Variants in ATAD3C observed in about 807,000 individuals in gnomAD.
ATAD3C encodes the protein ATPase family AAA domain containing 3C, also known as ATPase family AAA domain-containing protein 3C.
ATAD3C carries 38 observed loss-of-function variants against 46.3 expected under a neutral mutation model. The ratio of observed to expected loss-of-function variants is 0.82; its 90% CI spans 0.63 to 1.08. The LOEUF (loss-of-function observed/expected upper bound fraction) is 1.08. Among genes scored for constraint, ATAD3C ranks in the 50% least tolerant of loss-of-function variants. ATAD3C has a pLI of 0.00. For synonymous variants in ATAD3C, 220 were observed against 236.4 expected, an observed-to-expected ratio of 0.93 and a Z score of 0.63; for missense variants, 563 against 572.7, an observed-to-expected ratio of 0.98 and a Z score of 0.17.
rs904453011 is a variant in ATAD3C, at chr1:1,469,285, T to C, written c.*755T>C. 2 of 83,064 alleles carry C rather than the reference T, an allele frequency of 2.4e-5. No individual in the cohort carries two copies. Among genetic ancestry groups the C allele is most frequent in the Non-Finnish European group, 5.0e-5 (2 of 40,132 alleles). 5.1% of individuals were successfully genotyped at this position (83,064 alleles called of 1,614,324 possible). A position where few individuals can be genotyped will look rare whatever the true frequency, so the allele number is the denominator to read the frequency against. ...TGGGCAACAAGAGTCAAACTCCCTCTAAAAAAAAAAAAAAAAAAAGGGCCA... is the reference window on the plus strand; with the variant it reads ...TGGGCAACAAGAGTCAAACTCCCTCCAAAAAAAAAAAAAAAAAAAGGGCCA... On this transcript the variant is annotated 3_prime_UTR_variant, in exon 12 of 12. Transcript: ENST00000378785.
Position 1,452,415 on chromosome 1 carries a change from G to C in ATAD3C, c.203G>C (p.Arg68Pro), listed in dbSNP as rs535108799. ...GEGFRAFVTD[R>P]DKVTATVAGL... ...GGATTCCGTGCCTTTGTGACAGACC[G>C]GGACAAAGTGACAGCCACGGTAAAC... is the stretch of plus-strand genomic sequence containing the variant. The change falls in exon 3 of 12, where the codon CGG becomes CCG. Residue 68 changes from arginine (R) to proline (P), a missense_variant. Coordinates refer to ENST00000378785, the MANE Select transcript of ATAD3C (RefSeq NM_001039211.3). 4.3e-6 allele frequency: 7 copies of C among 1,613,672 alleles called. No homozygotes were observed. The East Asian group carries it at 1.6e-4, about 36-fold the overall frequency.
chr1:1,461,496 G>A (rs77940961), intron 10 of ATAD3C, among the ~76,000 whole-genome samples: 15,054 of 150,388 alleles, frequency 0.1, 1,916 homozygotes, highest in East Asian at 0.47. Flanking sequence ...CCTCTTTTAC[G>A]TTCCTCTTCA....
rs1638873472 is a variant in ATAD3C at position 1,452,256 on chromosome 1, T to A, written c.153-109T>A. ...CTCCTTGGTGGGGACACTGCCCCCCTGTCCTGGCAGGACCAGGCTGCTGTG... is the reference window on the plus strand; with the variant it reads ...CTCCTTGGTGGGGACACTGCCCCCCAGTCCTGGCAGGACCAGGCTGCTGTG... On this transcript the variant is annotated intron_variant, in intron 2 of 11. Coordinates refer to ENST00000378785, the MANE Select transcript of ATAD3C (RefSeq NM_001039211.3). 7 of 1,588,350 alleles carry A rather than the reference T, an allele frequency of 4.4e-6. No homozygotes were observed. In the East Asian group the frequency reaches 1.6e-4, roughly 36 times the overall value.
rs767801504 is a variant in ATAD3C at position 1,459,279 on chromosome 1, C to T, written c.812+48C>T. On this transcript the variant is annotated intron_variant, in intron 9 of 11. Transcript: ENST00000378785. The surrounding 1 kb of genome is among the most constrained non-coding windows in gnomAD (Gnocchi z 4.9). Reference sequence around the variant, plus strand: ...GGGCCCCCGGGCAGGGCTGTGCAGCCGTCACCCTTGGTTCCCACCGAGGGA... The same window carrying T: ...GGGCCCCCGGGCAGGGCTGTGCAGCTGTCACCCTTGGTTCCCACCGAGGGA... 65 of 1,604,034 alleles carry T rather than the reference C, an allele frequency of 4.1e-5. No homozygotes were observed. The highest frequency in any genetic ancestry group is 5.0e-5 in the Non-Finnish European group (59 of 1,179,628).
At position 1,452,193 on chromosome 1, in the gene ATAD3C, G is replaced by A. The variant is rs1007033916; in HGVS notation, c.152+71G>A. ...AGGTGTGAGTCGCTGGTCCCAGGGT[G>A]CTCTCCAGCTCTCCCAGGTCTGGCC... On this transcript the variant is annotated intron_variant, in intron 2 of 11. Coordinates refer to ENST00000378785, the MANE Select transcript of ATAD3C (RefSeq NM_001039211.3). 183 of 1,588,392 alleles carry A rather than the reference G, an allele frequency of 1.2e-4. 1 individual carries two copies. The highest frequency in any genetic ancestry group is 1.5e-4 in the Non-Finnish European group (173 of 1,164,052).
In ATAD3C at chr1:1,460,780, C is replaced by T. The variant is rs748781199; in HGVS notation, c.843C>T (p.Pro281=). 101 of 1,611,004 alleles carry T rather than the reference C, an allele frequency of 6.3e-5. No homozygotes were observed. In the Middle Eastern group the frequency reaches 1.8e-3, roughly 29 times the overall value. The part of the protein sequence containing the change: ...KFMLILASCH[P]EQFDWAINAC... ...TGCTGATCCTGGCCAGCTGCCACCC[C>T]GAGCAGTTCGACTGGGCCATCAATG... Residue 281 remains proline (P), a synonymous_variant, in exon 10 of 12, where the codon CCC becomes CCT. Coordinates refer to ENST00000378785, the MANE Select transcript of ATAD3C (RefSeq NM_001039211.3).
rs70949592 is a variant in ATAD3C, at chr1:1,469,099, T to TAAAAAAAAAAAAAAAAAAA, written c.*588_*606dup. 3 of 18,872 alleles carry TAAAAAAAAAAAAAAAAAAA rather than the reference T, an allele frequency of 1.6e-4. No individual in the cohort carries two copies. The highest frequency in any genetic ancestry group is 3.8e-4 in the African/African-American group (3 of 7,864). 1.2% of individuals were successfully genotyped at this position (18,872 alleles called of 1,614,324 possible). On this transcript the variant is annotated 3_prime_UTR_variant, in exon 12 of 12. Coordinates refer to ENST00000378785, the MANE Select transcript of ATAD3C (RefSeq NM_001039211.3). Reference sequence around the variant, plus strand: ...CAACATGGTGAAACTCCATCTCTCCTAAAAAAAAAAAAAAAAAAAAAAAAA... The same window carrying TAAAAAAAAAAAAAAAAAAA: ...CAACATGGTGAAACTCCATCTCTCCTAAAAAAAAAAAAAAAAAAAAAAAAAAAAAAAAAAAAAAAAAAAA...
intron 11 of ATAD3C, among the ~76,000 whole-genome samples, chr1:1,468,147 A>C (rs1292889987): frequency 6.6e-6 from 1 of 152,090 alleles, no homozygotes; most frequent in Non-Finnish European, 1.5e-5. Flanking sequence ...GCTTTCTATT[A>C]GAAAGTCATT....
chr1:1,454,270 C>T, intron 3 of ATAD3C, 75 bp from the exon 4 acceptor site: 1 of 1,513,086 alleles, frequency 6.6e-7, no homozygotes, highest in Non-Finnish European at 8.9e-7. Context: ...AGGGTGGGGG[C>T]AGCCCCGTGC....
intron 3 of ATAD3C, among the ~76,000 whole-genome samples, chr1:1,453,539 G>T (rs548985501): frequency 2.6e-4 from 40 of 152,078 alleles, no homozygotes; most frequent in Admixed American, 5.2e-4. Context: ...GTTTTACCAT[G>T]TTGGCCAGGC....
At position 1,459,951 on chromosome 1, in the gene ATAD3C, C is replaced by T. The variant is rs1013198497; in HGVS notation, c.812+720C>T. ...GTTGGGCTCCTGGGTCAGCTGCTGCCGGTAGACGCTCCCTGGAGCCCTGAC... is the reference window on the plus strand; with the variant it reads ...GTTGGGCTCCTGGGTCAGCTGCTGCTGGTAGACGCTCCCTGGAGCCCTGAC... On this transcript the variant is annotated intron_variant, in intron 9 of 11. Coordinates refer to ENST00000378785, the MANE Select transcript of ATAD3C (RefSeq NM_001039211.3). The surrounding 1 kb of genome is among the most constrained non-coding windows in gnomAD (Gnocchi z 4.9). Among the ~76,000 whole-genome samples, 4 of 152,046 alleles carry T rather than the reference C, an allele frequency of 2.6e-5. No individual in the cohort carries two copies. Among genetic ancestry groups the T allele is most frequent in the Admixed American group, 6.6e-5 (1 of 15,234 alleles).
intron 3 of ATAD3C, among the ~76,000 whole-genome samples, chr1:1,453,493 T>C (rs1047747912): frequency 6.6e-6 from 1 of 151,954 alleles, no homozygotes; most frequent in Non-Finnish European, 1.5e-5. Flanking sequence ...TGTACCACCA[T>C]GCCCGGCCAA....
rs1256097958 is a variant in ATAD3C, at chr1:1,459,759, C to T, written c.812+528C>T. The stretch of plus-strand genomic sequence containing the variant: ...ACTTTGTGTGGCCTCTGTGGGCTGC[C>T]GCCCAGATGTCCCCCATAGGGTGAC... On this transcript the variant is annotated intron_variant, in intron 9 of 11. Transcript: ENST00000378785. The surrounding 1 kb of genome is among the most constrained non-coding windows in gnomAD (Gnocchi z 4.9). 1.3e-5 allele frequency among the ~76,000 whole-genome samples: 2 copies of T among 152,136 alleles called. No homozygotes were observed. Among genetic ancestry groups the T allele is most frequent in the Admixed American group, 6.6e-5 (1 of 15,266 alleles).
Position 1,463,341 on chromosome 1 carries a change from T to C in ATAD3C, c.1089+633T>C, listed in dbSNP as rs144907467. Among the ~76,000 whole-genome samples, 451 of 152,214 alleles carry C rather than the reference T, an allele frequency of 3.0e-3. 4 individuals are homozygous for C. The highest frequency in any genetic ancestry group is 0.01 in the African/African-American group (425 of 41,544). ...TGTGGGGCAGAAGGCACCCTGGCCA[T>C]GCACAGGCATCGCTGCCTCTGGGGT... On this transcript the variant is annotated intron_variant, in intron 11 of 11. Transcript: ENST00000378785.
At chr1:1,453,057 T>C (rs1041370795) in intron 3 of ATAD3C, among the ~76,000 whole-genome samples, 12 of 152,034 alleles carry the variant, frequency 7.9e-5, no homozygotes, top group African/African-American at 2.9e-4. Context: ...GCACTTGCTC[T>C]GCCGTGGTGC....
In ATAD3C at chr1:1,460,854, G is replaced by C; in HGVS notation, c.917G>C (p.Arg306Pro). The C allele has an allele frequency of 6.2e-7, 1 of 1,613,076 alleles. No individual in the cohort carries two copies. The highest frequency in any genetic ancestry group is 8.5e-7 in the Non-Finnish European group (1 of 1,179,434). Residue 306 changes from arginine to proline, a missense_variant, in exon 10 of 12, where the codon CGG (arginine) becomes CCG (proline). Transcript: ENST00000378785. ...TTCGACCTGCCAGGGCAGGAGGAGC[G>C]GGCGCGCCTGGTGAGAATGTATCTT... ...VHFDLPGQEE[R>P]ARLVRMYLNE...
intron 1 of ATAD3C, 120 bp from the exon 2 acceptor site, chr1:1,451,926 T>A: frequency 6.8e-7 from 1 of 1,468,510 alleles, no homozygotes; most frequent in Admixed American, 2.4e-5. Context: ...CGTCTGCAGG[T>A]CCCCAGGTGC....
At chr1:1,451,544 A>G (rs1427133145) in intron 1 of ATAD3C, among the ~76,000 whole-genome samples, 2 of 151,582 alleles carry the variant, frequency 1.3e-5, no homozygotes, top group Non-Finnish European at 2.9e-5. Context: ...ACAGGGTTTC[A>G]CCATGCTGGC....
intron 3 of ATAD3C, among the ~76,000 whole-genome samples, chr1:1,454,092 A>AG (rs1638908853): frequency 2.6e-5 from 4 of 151,798 alleles, no homozygotes; most frequent in Non-Finnish European, 4.4e-5. Context: ...CAGCGACCAG[A>AG]GCTTTGTAGG....
Sources: allele counts gnomAD v4.1 joint callset (sites outside exome capture counted in the v4.1 genomes callset), GRCh38; gene constraint gnomAD v4.1.1; non-coding constraint Gnocchi (gnomAD v3.1); transcripts MANE v1.5; gene names NCBI Gene and HGNC (gene_info 2026-07-23, HGNC 2026-07-21).